The following UMAD1 variants were observed in gnomAD, a reference collection of about 807,000 sequenced individuals.
UMAD1 encodes the protein UBAP1-MVB12-associated (UMA)-domain containing protein 1.
In UMAD1, 8 loss-of-function variants were observed where a neutral mutation model predicts 6.1. That is an observed-to-expected ratio of 1.30 (90% CI 0.76 to 2.35). UMAD1 has a LOEUF of 2.35. UMAD1 is among the 30% of genes most tolerant of loss of function. UMAD1 has a pLI of 0.00. For synonymous variants in UMAD1, 56 were observed against 31.4 expected, an observed-to-expected ratio of 1.78 and a Z score of -2.61; for missense variants, 130 against 78.4, an observed-to-expected ratio of 1.66 and a Z score of -2.49.
chr7:7,700,616 G>A (rs781697843), intron 2 of UMAD1, among the ~76,000 whole-genome samples: 2 of 152,168 alleles, frequency 1.3e-5, no homozygotes, highest in South Asian at 2.1e-4. Flanking sequence ...GGCCGGGCGC[G>A]GTGGCTCACG....
At chr7:7,793,668 G>A (rs1353484766) in intron 2 of UMAD1, among the ~76,000 whole-genome samples, 1 of 152,090 alleles carries the variant, frequency 6.6e-6, no homozygotes, top group Non-Finnish European at 1.5e-5. Context: ...TGCCCCAAAT[G>A]CATTAACAGG....
At chr7:7,676,240 A>G in intron 2 of UMAD1, 1 of 398,530 alleles carries the variant, frequency 2.5e-6, no homozygotes, top group Non-Finnish European at 4.4e-6. Context: ...CACTTAGCAT[A>G]TCTAGGAAAT....
chr7:7,722,472 C>T (rs1215196313), intron 2 of UMAD1, among the ~76,000 whole-genome samples: 1 of 152,042 alleles, frequency 6.6e-6, no homozygotes, highest in Non-Finnish European at 1.5e-5. Flanking sequence ...TGATTTACCG[C>T]CCATGTGAGA....
At chr7:7,671,859 C>T (rs1779614108) in intron 1 of UMAD1, among the ~76,000 whole-genome samples, 1 of 152,128 alleles carries the variant, frequency 6.6e-6, no homozygotes, top group Non-Finnish European at 1.5e-5. Flanking sequence ...TTAAGGATTT[C>T]AGAAGCTGTT....
At chr7:7,822,268 T>C (rs1280701728) in intron 3 of UMAD1, among the ~76,000 whole-genome samples, 1 of 152,016 alleles carries the variant, frequency 6.6e-6, no homozygotes, top group Non-Finnish European at 1.5e-5. Context: ...GAGAGGCAGT[T>C]GGGTAAATGC....
At chr7:7,835,006 A>G (rs1783539359) in intron 3 of UMAD1, among the ~76,000 whole-genome samples, 2 of 152,200 alleles carry the variant, frequency 1.3e-5, no homozygotes, top group African/African-American at 2.4e-5. Context: ...AGAACTCACT[A>G]TCACAAGAAC....
rs1177179567 is a variant in UMAD1 at position 7,830,823 on chromosome 7, G to A, written c.156+29080G>A. Among the ~76,000 whole-genome samples, 2 of 152,142 alleles carry A rather than the reference G, an allele frequency of 1.3e-5. No individual in the cohort carries two copies. Among genetic ancestry groups the A allele is most frequent in the African/African-American group, 4.8e-5 (2 of 41,440 alleles). On this transcript the variant is annotated intron_variant, in intron 3 of 3. Transcript: ENST00000682710. The surrounding 1 kb of genome is among the most constrained non-coding windows in gnomAD (Gnocchi z 5.3). ...TCAGTACTGGATAAGTGAAGTGAAT[G>A]TAAATTGAAGCCTGTTTATATCTTC...
At position 7,680,109 on chromosome 7, in the gene UMAD1, C is replaced by T. The variant is rs142199363; in HGVS notation, c.82+6656C>T. Among the ~76,000 whole-genome samples, 677 of 152,144 alleles carry T rather than the reference C, an allele frequency of 4.4e-3. 7 individuals are homozygous for T. Among genetic ancestry groups the T allele is most frequent in the African/African-American group, 0.016 (651 of 41,508 alleles). ...GCTTGTGGGGTATTACTCAAGAAATCTTTGTTCAGATTACTGTCCTGTAGC... is the reference window on the plus strand; with the variant it reads ...GCTTGTGGGGTATTACTCAAGAAATTTTTGTTCAGATTACTGTCCTGTAGC... On this transcript the variant is annotated intron_variant, in intron 2 of 3. Coordinates refer to ENST00000682710, the MANE Select transcript of UMAD1 (RefSeq NM_001302348.2).
intron 2 of UMAD1, among the ~76,000 whole-genome samples, chr7:7,723,218 A>G (rs1272841205): frequency 6.6e-6 from 1 of 152,190 alleles, no homozygotes; most frequent in African/African-American, 2.4e-5. Context: ...TAAATTTTTC[A>G]GTTTACATAA....
At chr7:7,780,594 T>A (rs946117917) in intron 2 of UMAD1, among the ~76,000 whole-genome samples, 1 of 152,196 alleles carries the variant, frequency 6.6e-6, no homozygotes, top group Non-Finnish European at 1.5e-5. Flanking sequence ...AATTGCAGAA[T>A]CCTAGAATCT....
intron 2 of UMAD1, among the ~76,000 whole-genome samples, chr7:7,715,698 C>T (rs1267691214): frequency 3.3e-5 from 5 of 152,052 alleles, no homozygotes; most frequent in African/African-American, 1.2e-4. Flanking sequence ...CATAGTTTTA[C>T]CATTGAATGT....
intron 2 of UMAD1, among the ~76,000 whole-genome samples, chr7:7,691,075 T>C (rs923413712): frequency 6.6e-6 from 1 of 152,164 alleles, no homozygotes; most frequent in Non-Finnish European, 1.5e-5. Flanking sequence ...CATGTGACCC[T>C]TCCTGGAACT....
At chr7:7,836,701 A>T (rs1421492289) in intron 3 of UMAD1, among the ~76,000 whole-genome samples, 1 of 152,040 alleles carries the variant, frequency 6.6e-6, no homozygotes, top group Non-Finnish European at 1.5e-5. Context: ...AGAACATTAG[A>T]AATTAAAAAC....
rs544658864 is a variant in UMAD1 at position 7,816,166 on chromosome 7, A to G, written c.156+14423A>G. On this transcript the variant is annotated intron_variant, in intron 3 of 3. Coordinates refer to ENST00000682710, the MANE Select transcript of UMAD1 (RefSeq NM_001302348.2). ...TTATAGAGGAGGAAACCAAGGCTCA[A>G]CAATACCCATTTCCCAAGGTCACAA... Among the ~76,000 whole-genome samples, 10 of 136,290 alleles carry G rather than the reference A, an allele frequency of 7.3e-5. No individual in the cohort carries two copies. The East Asian group carries it at 8.5e-4, about 12-fold the overall frequency. The allele number at this position is 136,290 out of a possible 152,430, so 89.4% of individuals were successfully genotyped here.
intron 3 of UMAD1, among the ~76,000 whole-genome samples, chr7:7,856,563 G>A (rs1401387686): frequency 2.6e-5 from 4 of 152,184 alleles, no homozygotes; most frequent in African/African-American, 9.7e-5. Flanking sequence ...GATTTTGGAT[G>A]GCGACACCGC....
At chr7:7,679,965 A>G (rs1037310937) in intron 2 of UMAD1, among the ~76,000 whole-genome samples, 2 of 151,828 alleles carry the variant, frequency 1.3e-5, no homozygotes, top group Admixed American at 6.6e-5. Flanking sequence ...GTAGTTTGCA[A>G]ATATTTTCTC....
At chr7:7,740,471 A>C (rs1364382500) in intron 2 of UMAD1, among the ~76,000 whole-genome samples, 1 of 152,252 alleles carries the variant, frequency 6.6e-6, no homozygotes, top group African/African-American at 2.4e-5. Context: ...TAAGATTGAC[A>C]AGTTTTCTAT....
At chr7:7,870,854 G>A (rs1784319875) in intron 3 of UMAD1, among the ~76,000 whole-genome samples, 1 of 152,178 alleles carries the variant, frequency 6.6e-6, no homozygotes, top group African/African-American at 2.4e-5. Flanking sequence ...AGATGCTGGA[G>A]TAATACTTAC....
chr7:7,846,884 T>C (rs1783793119), intron 3 of UMAD1, among the ~76,000 whole-genome samples: 1 of 108,640 alleles, frequency 9.2e-6, no homozygotes, highest in Non-Finnish European at 1.8e-5. Flanking sequence ...GGAAGGGGAA[T>C]ATCACACTCT....
Sources: allele counts gnomAD v4.1 joint callset (sites outside exome capture counted in the v4.1 genomes callset), GRCh38; gene constraint gnomAD v4.1.1; non-coding constraint Gnocchi (gnomAD v3.1); transcripts MANE v1.5; gene names NCBI Gene and HGNC (gene_info 2026-07-23, HGNC 2026-07-21).